DNAH5: variants seen among roughly 807,000 people sequenced by gnomAD.
DNAH5 encodes the protein axonemal beta dynein heavy chain 5.
Under a neutral mutation model 518.2 loss-of-function variants are expected in DNAH5, and 372 were observed. The observed-to-expected ratio is 0.72, with a 90% CI of 0.66 to 0.78. The LOEUF (loss-of-function observed/expected upper bound fraction) is 0.78. Ranked by LOEUF, DNAH5 falls within the 30% of genes least tolerant of loss-of-function variation. DNAH5 has a pLI of 0.00. For missense variants in DNAH5, 5,523 were observed against 5,687.0 expected (o/e 0.97, Z 0.93); for synonymous variants, 2,039 against 2,025.9 (o/e 1.01, Z -0.17).
Position 13,792,022 on chromosome 5 carries a change from G to C in DNAH5, c.8420C>G (p.Thr2807Ser). ...LSRVWQGMLN[T>S]TSEVIKEPND... ...TGGTTCCTTGATGACCTCTGAAGTAGTGTTCAGCATTCCCTGCCAGACCCG... is the reference window on the plus strand; with the variant it reads ...TGGTTCCTTGATGACCTCTGAAGTACTGTTCAGCATTCCCTGCCAGACCCG... The change falls in exon 50 of 79, where the codon ACT becomes AGT. Residue 2807 changes from threonine to serine, a missense_variant. By Grantham distance (58) the Thr-to-Ser change is moderately conservative. Around this residue, in one of 3 missense-constraint regions of DNAH5, gnomAD observed 5,121 missense variants for 5,223.3 expected, o/e 0.98. Coordinates refer to ENST00000265104, the MANE Select transcript of DNAH5 (RefSeq NM_001369.3). 3.1e-6 allele frequency: 5 copies of C among 1,613,960 alleles called. 1 individual carries two copies. In the South Asian group the frequency reaches 5.5e-5, roughly 18 times the overall value.
rs77420030 is a variant in DNAH5, at chr5:13,715,387, A to C, written c.12910-767T>G. Among the ~76,000 whole-genome samples, 1,012 of 152,282 alleles carry C rather than the reference A, an allele frequency of 6.6e-3. 14 individuals are homozygous for C. Among genetic ancestry groups the C allele is most frequent in the African/African-American group, 0.023 (943 of 41,538 alleles). ...TAAACTGTGAGATGGGGTATATATAAAAATATATGTACAGGCACCCCCAAA... is the reference window on the plus strand; with the variant it reads ...TAAACTGTGAGATGGGGTATATATACAAATATATGTACAGGCACCCCCAAA... On this transcript the variant is annotated intron_variant, in intron 74 of 78. Transcript: ENST00000265104.
chr5:13,719,514 T>A (rs929893196), intron 71 of DNAH5, among the ~76,000 whole-genome samples: 17 of 152,284 alleles, frequency 1.1e-4, no homozygotes, highest in Non-Finnish European at 2.2e-4. Context: ...GGCATTATCA[T>A]TAACATTTAA....
intron 30 of DNAH5, among the ~76,000 whole-genome samples, chr5:13,853,789 G>A (rs1767223335): frequency 6.6e-6 from 1 of 151,762 alleles, no homozygotes; most frequent in Admixed American, 6.6e-5. Context: ...GAAGATCAAT[G>A]TAATGAAATA....
intron 46 of DNAH5, among the ~76,000 whole-genome samples, 178 bp from the exon 47 acceptor site, chr5:13,807,903 C>T (rs1759886933): frequency 6.6e-6 from 1 of 152,016 alleles, no homozygotes; most frequent in Non-Finnish European, 1.5e-5. Context: ...TTGGATGAGG[C>T]TTATTCCACC....
At chr5:13,777,028 A>T (rs1754189371) in intron 54 of DNAH5, among the ~76,000 whole-genome samples, 174 bp downstream of exon 54, 1 of 152,118 alleles carries the variant, frequency 6.6e-6, no homozygotes, top group South Asian at 2.1e-4. Context: ...CCAAATTTTG[A>T]TGGAGAGTTT....
intron 55 of DNAH5, among the ~76,000 whole-genome samples, chr5:13,771,627 C>T (rs1020249921): frequency 7.2e-5 from 11 of 152,198 alleles, no homozygotes; most frequent in African/African-American, 2.4e-4. Flanking sequence ...TGGGAATAGG[C>T]TCATCAATCA....
chr5:13,768,148 C>T (rs1265287793), intron 58 of DNAH5, among the ~76,000 whole-genome samples: 1 of 152,186 alleles, frequency 6.6e-6, no homozygotes, highest in Non-Finnish European at 1.5e-5. Context: ...TATGTCCCCA[C>T]CCAAATCTCA....
chr5:13,916,299 C>G, intron 9 of DNAH5, 49 bp downstream of exon 9: 1 of 1,068,002 alleles, frequency 9.4e-7, no homozygotes, highest in Non-Finnish European at 1.4e-6. Flanking sequence ...AAAAATTGAT[C>G]ACTGGCAAAG....
chr5:13,974,108 TTTTC>T (rs1216154840), intron 1 of DNAH5, among the ~76,000 whole-genome samples: 4 of 152,056 alleles, frequency 2.6e-5, no homozygotes, highest in Non-Finnish European at 5.9e-5. Context: ...TTCTTTTGTC[TTTTC>T]TTTATTTTAA....
chr5:13,816,236 T>A (rs1024917992), intron 42 of DNAH5, among the ~76,000 whole-genome samples: 1 of 152,210 alleles, frequency 6.6e-6, no homozygotes, highest in Non-Finnish European at 1.5e-5. Flanking sequence ...AGGAGATACT[T>A]GGAGGTAGAG....
rs16902905 is a variant in DNAH5 at position 13,894,514 on chromosome 5, C to A, written c.2431+136G>T. On this transcript the variant is annotated intron_variant, in intron 16 of 78. Transcript: ENST00000265104. ...TACTGAATTCGCATGTTTTGGAACA[C>A]TTCCTTATGAAACAGCTTAAGAATA... 3.6e-3 allele frequency: 3,350 copies of A among 941,910 alleles called. 80 individuals are homozygous for A. In the African/African-American group the frequency reaches 0.047, roughly 13 times the overall value. The allele number at this position is 941,910 out of a possible 1,614,324, so 58.3% of individuals were successfully genotyped here. A position where few individuals can be genotyped will look rare whatever the true frequency, so the allele number is the denominator to read the frequency against.
chr5:13,922,026 C>G (rs191944394), intron 5 of DNAH5, 81 bp downstream of exon 5: 18 of 1,442,578 alleles, frequency 1.2e-5, no homozygotes, highest in Non-Finnish European at 1.6e-5. Context: ...TTAAGACCAT[C>G]TAAGAGAAGC....
chr5:13,917,159 A>C lies in DNAH5; in HGVS notation c.1073T>G (p.Leu358Trp), dbSNP rs751903890. 1.2e-6 allele frequency: 2 copies of C among 1,613,630 alleles called. No homozygotes were observed. Among genetic ancestry groups the C allele is most frequent in the Non-Finnish European group, 1.7e-6 (2 of 1,179,616 alleles). Residue 358 changes from leucine to tryptophan, a missense_variant, in exon 8 of 79, where the codon TTG becomes TGG. This residue lies in a region of DNAH5 where 5,121 missense variants were observed against 5,223.3 expected (regional missense o/e 0.98). Coordinates refer to ENST00000265104, the MANE Select transcript of DNAH5 (RefSeq NM_001369.3). Reference sequence around the variant, plus strand: ...TTAACTCACGGGATCACTGCTGTACAAAGGGTCACAACATTTTTCAAGTGT... The same window carrying C: ...TTAACTCACGGGATCACTGCTGTACCAAGGGTCACAACATTTTTCAAGTGT... ...LYTLEKCCDP[L>W]YSSDPLSMMD... is the part of the protein sequence containing the mutation.
At chr5:13,855,597 A>G (rs923826975) in intron 30 of DNAH5, among the ~76,000 whole-genome samples, 4 of 152,280 alleles carry the variant, frequency 2.6e-5, no homozygotes, top group East Asian at 3.9e-4. Flanking sequence ...TGTGACAGAA[A>G]ATTAACAAGG....
At position 13,810,150 on chromosome 5, in the gene DNAH5, G is replaced by T. The variant is rs1363845512; in HGVS notation, c.7518C>A (p.Leu2506=). Residue 2506 remains leucine (L), a synonymous_variant, in exon 45 of 79, where the codon CTC becomes CTA. Transcript: ENST00000265104. ...LELDGRRRLE[L]WLRSRPTGTL... ...TCCCTGTGGGCCGAGAGCGCAGCCA[G>T]AGCTCCAGGCGGCGCCGTCCGTCCA... 1 of 1,548,826 alleles carries T rather than the reference G, an allele frequency of 6.5e-7. No individual in the cohort carries two copies.
intron 22 of DNAH5, 25 bp from the exon 23 acceptor site, chr5:13,871,790 T>C (rs758637722): frequency 1.9e-6 from 3 of 1,597,788 alleles, no homozygotes; most frequent in Non-Finnish European, 2.6e-6. Flanking sequence ...CAGATTTATG[T>C]TAAGAAGGAA....
chr5:13,865,907 C>T lies in DNAH5; in HGVS notation c.4117-1G>A. 1 of 1,552,538 alleles carries T rather than the reference C, an allele frequency of 6.4e-7. No homozygotes were observed. The highest frequency in any genetic ancestry group is 2.2e-5 in the East Asian group (1 of 44,602). ...TCCGATAGATATTATCAAATTGATT[C>T]TAATAAAAACACAAGTGAAAACGCA... On this transcript the variant is annotated splice_acceptor_variant, in intron 26 of 78. Transcript: ENST00000265104. LOFTEE classifies it high-confidence loss of function.
chr5:13,810,444 A>C, intron 44 of DNAH5, 184 bp from the exon 45 acceptor site: 1 of 676,318 alleles, frequency 1.5e-6, no homozygotes, highest in South Asian at 1.7e-5. Context: ...AGCTGCCTTT[A>C]AACATAATAG....
intron 43 of DNAH5, 61 bp from the exon 44 acceptor site, chr5:13,811,884 T>C: frequency 6.5e-7 from 1 of 1,528,344 alleles, no homozygotes; most frequent in Non-Finnish European, 9.0e-7. Flanking sequence ...AAATGGTCAT[T>C]TGGGGACAAA....
Sources: allele counts gnomAD v4.1 joint callset (sites outside exome capture counted in the v4.1 genomes callset), GRCh38; gene constraint gnomAD v4.1.1; regional missense constraint gnomAD v4.1.1; transcripts MANE v1.5; gene names NCBI Gene and HGNC (gene_info 2026-07-23, HGNC 2026-07-21).